Variants in CELF6 observed in about 807,000 individuals in gnomAD.
CELF6 encodes the protein Bruno -like 6, RNA binding protein.
In CELF6, 32 loss-of-function variants were observed where a neutral mutation model predicts 53.1. That is an observed-to-expected ratio of 0.60 (90% CI 0.46 to 0.81). The LOEUF (loss-of-function observed/expected upper bound fraction) is 0.81, where lower values mean the gene tolerates loss of function less well. CELF6 is among the 30% of genes least tolerant of loss of function. The probability of loss-of-function intolerance (pLI) is 0.00; values close to 1 mark genes in which losing one functional copy is unlikely to be tolerated. For synonymous variants in CELF6, 291 were observed against 288.8 expected (o/e 1.01, Z -0.08); for missense variants, 539 against 669.5 (o/e 0.81, Z 2.15).
chr15:72,317,453 T>TA (rs1753332027), intron 1 of CELF6, among the ~76,000 whole-genome samples: 1 of 152,148 alleles, frequency 6.6e-6, no homozygotes, highest in South Asian at 2.1e-4. Context: ...AAAGGGAACT[T>TA]AGAGAACTGA....
intron 3 of CELF6, chr15:72,292,077 T>C (rs1050013789): frequency 1.3e-4 from 84 of 645,488 alleles, no homozygotes; most frequent in Middle Eastern, 7.5e-4. Context: ...GCTCAAAATG[T>C]AAGAGAAAAA....
At chr15:72,311,239 G>A (rs2088290672) in intron 2 of CELF6, among the ~76,000 whole-genome samples, 1 of 150,666 alleles carries the variant, frequency 6.6e-6, no homozygotes, top group South Asian at 2.1e-4. Flanking sequence ...GACCTCAAGT[G>A]ATCCGCCCGC....
At chr15:72,311,569 A>AT (rs1387021040) in intron 2 of CELF6, among the ~76,000 whole-genome samples, 2 of 142,282 alleles carry the variant, frequency 1.4e-5, no homozygotes, top group African/African-American at 5.2e-5. Context: ...CGCCCTGCTA[A>AT]TTTTTTGTAT....
chr15:72,290,895 A>G (rs1300730376), intron 3 of CELF6, among the ~76,000 whole-genome samples: 1 of 152,164 alleles, frequency 6.6e-6, no homozygotes, highest in African/African-American at 2.4e-5. Flanking sequence ...AAAGGCCTAC[A>G]GAGAGCAGGA....
chr15:72,311,352 T>C (rs1249646192), intron 2 of CELF6, among the ~76,000 whole-genome samples: 2 of 151,580 alleles, frequency 1.3e-5, no homozygotes, highest in African/African-American at 4.8e-5. Context: ...TGGTCTCTCT[T>C]TTACTTGCCC....
intron 1 of CELF6, among the ~76,000 whole-genome samples, chr15:72,317,948 C>A (rs1343456794): frequency 2.6e-5 from 4 of 151,990 alleles, no homozygotes; most frequent in Non-Finnish European, 5.9e-5. Flanking sequence ...AAATAACAGG[C>A]AGAATTAGAG....
At chr15:72,316,354 G>C (rs768197939) in intron 1 of CELF6, among the ~76,000 whole-genome samples, 3 of 152,120 alleles carry the variant, frequency 2.0e-5, no homozygotes, top group African/African-American at 7.2e-5. Context: ...ACTCAGTTTC[G>C]GATGGGAGGA....
Position 72,319,242 on chromosome 15 carries a change from C to T in CELF6, c.262+371G>A, listed in dbSNP as rs918453479. 1.3e-5 allele frequency among the ~76,000 whole-genome samples: 2 copies of T among 151,842 alleles called. No homozygotes were observed. Among genetic ancestry groups the T allele is most frequent in the African/African-American group, 4.8e-5 (2 of 41,310 alleles). The stretch of plus-strand genomic sequence containing the variant: ...TGGAGGATTCAGGAGTGTTTGGGCT[C>T]AGGGTTTGGGAAATTGAGGGTATTC... On this transcript the variant is annotated intron_variant, in intron 1 of 12. Coordinates refer to ENST00000287202, the MANE Select transcript of CELF6 (RefSeq NM_052840.5). The surrounding 1 kb of genome is among the most constrained non-coding windows in gnomAD (Gnocchi z 5.0).
intron 3 of CELF6, among the ~76,000 whole-genome samples, chr15:72,298,663 A>T (rs1405087461): frequency 6.6e-6 from 1 of 152,212 alleles, no homozygotes; most frequent in Non-Finnish European, 1.5e-5. Context: ...AATTTGAAAG[A>T]GGAAAGAATA....
chr15:72,310,830 T>A (rs1394905402), intron 2 of CELF6, among the ~76,000 whole-genome samples: 1 of 152,092 alleles, frequency 6.6e-6, no homozygotes, highest in Non-Finnish European at 1.5e-5. Context: ...TCTTCTCTGC[T>A]TAAAATCCAC....
intron 3 of CELF6, among the ~76,000 whole-genome samples, chr15:72,301,120 T>C (rs1307913705): frequency 6.6e-6 from 1 of 151,866 alleles, no homozygotes; most frequent in Non-Finnish European, 1.5e-5. Flanking sequence ...AGTAGCTGGG[T>C]AGCTGGGACT....
At chr15:72,298,591 T>C (rs565130237) in intron 3 of CELF6, among the ~76,000 whole-genome samples, 1 of 152,186 alleles carries the variant, frequency 6.6e-6, no homozygotes, top group Non-Finnish European at 1.5e-5. Context: ...CACAGCCAAG[T>C]TGAGAAGTGG....
At position 72,304,161 on chromosome 15, in the gene CELF6, G is replaced by T. The variant is rs562863975; in HGVS notation, c.394+585C>A. Among the ~76,000 whole-genome samples, 12 of 152,156 alleles carry T rather than the reference G, an allele frequency of 7.9e-5. 1 individual carries two copies. Among genetic ancestry groups the T allele is most frequent in the African/African-American group, 2.9e-4 (12 of 41,498 alleles). On this transcript the variant is annotated intron_variant, in intron 3 of 12. Coordinates refer to ENST00000287202, the MANE Select transcript of CELF6 (RefSeq NM_052840.5). Reference sequence around the variant, plus strand: ...GCTGGGATTATAGGTATGAGCCACCGTGCTCAGCCCACCTCCTGTTCTTAA... The same window carrying T: ...GCTGGGATTATAGGTATGAGCCACCTTGCTCAGCCCACCTCCTGTTCTTAA...
chr15:72,308,203 C>T (rs912947230), intron 2 of CELF6, among the ~76,000 whole-genome samples: 1 of 151,256 alleles, frequency 6.6e-6, no homozygotes, highest in African/African-American at 2.5e-5. Context: ...GTAGATACCT[C>T]AGATATAAAA....
At chr15:72,303,662 C>T (rs2088185763) in intron 3 of CELF6, among the ~76,000 whole-genome samples, 1 of 152,098 alleles carries the variant, frequency 6.6e-6, no homozygotes, top group African/African-American at 2.4e-5. Flanking sequence ...GAGAGTCTTA[C>T]CCAAGATAAA....
Position 72,289,598 on chromosome 15 carries a change from G to T in CELF6, c.747+29C>A. On this transcript the variant is annotated intron_variant, in intron 6 of 12. Transcript: ENST00000287202. The surrounding 1 kb of genome is among the most constrained non-coding windows in gnomAD (Gnocchi z 7.6). ...CCAGGCCTGGCCCACCCACCTGCGC[G>T]CCCTCGCACGCAGGTGCCCGGTACC... 6.8e-7 allele frequency: 1 copy of T among 1,477,372 alleles called. No individual in the cohort carries two copies. The highest frequency in any genetic ancestry group is 8.9e-7 in the Non-Finnish European group (1 of 1,121,718). The allele number at this position is 1,477,372 out of a possible 1,614,324, so 91.5% of individuals were successfully genotyped here. A position where few individuals can be genotyped will look rare whatever the true frequency, so the allele number is the denominator to read the frequency against.
intron 3 of CELF6, among the ~76,000 whole-genome samples, chr15:72,296,683 CA>C (rs1244576778): frequency 6.6e-6 from 1 of 152,098 alleles, no homozygotes; most frequent in African/African-American, 2.4e-5. Context: ...GGGCAACAAG[CA>C]TAAGAAAAGA....
intron 2 of CELF6, 63 bp downstream of exon 2, chr15:72,315,782 C>T (rs1020864925): frequency 1.5e-5 from 17 of 1,153,322 alleles, no homozygotes; most frequent in Non-Finnish European, 2.1e-5. Flanking sequence ...GCTGCTTTGG[C>T]ATGCACACAG....
chr15:72,319,481 TG>T lies in CELF6; in HGVS notation c.262+131del, dbSNP rs2088400307. On this transcript the variant is annotated intron_variant, in intron 1 of 12. Coordinates refer to ENST00000287202, the MANE Select transcript of CELF6 (RefSeq NM_052840.5). This position sits in a 1 kb window ranked among gnomAD's most constrained non-coding sequence, Gnocchi z 5.0. ...AAATTCTGTGATCTGGGAAGGGGGCTGGGCTGAGGTGGGGCTGATATTGGAC... is the reference window on the plus strand; with the variant it reads ...AAATTCTGTGATCTGGGAAGGGGGCTGGCTGAGGTGGGGCTGATATTGGAC... 3 of 953,312 alleles carry T rather than the reference TG, an allele frequency of 3.1e-6. No homozygotes were observed. Among genetic ancestry groups the T allele is most frequent in the African/African-American group, 1.8e-5 (1 of 55,352 alleles). The allele number at this position is 953,312 out of a possible 1,614,324, so 59.1% of individuals were successfully genotyped here. A position where few individuals can be genotyped will look rare whatever the true frequency, so the allele number is the denominator to read the frequency against.
Sources: gnomAD v4.1 joint callset for allele counts (sites outside exome capture counted in the v4.1 genomes callset) on GRCh38, gnomAD v4.1.1 for gene constraint, Gnocchi (gnomAD v3.1) non-coding constraint, MANE v1.5 for transcripts, NCBI Gene and HGNC (gene_info 2026-07-23, HGNC 2026-07-21) for gene names.